PRKN: variants seen among roughly 807,000 people sequenced by gnomAD.
PRKN encodes the protein E3 ubiquitin-protein ligase parkin.
In PRKN, 56 loss-of-function variants were observed where a neutral mutation model predicts 59.5. The observed-to-expected ratio is 0.94, with a 90% CI of 0.76 to 1.18. PRKN has a LOEUF of 1.18. Among genes scored for constraint, PRKN ranks in the 50% most tolerant of loss-of-function variants. The pLI, the probability that PRKN is intolerant of heterozygous loss-of-function variation, is 0.00. For synonymous variants in PRKN, 250 were observed against 222.1 expected, an observed-to-expected ratio of 1.13 and a Z score of -1.12; for missense variants, 657 against 596.4, an observed-to-expected ratio of 1.10 and a Z score of -1.06.
At chr6:162,147,706 A>G (rs973650251) in intron 4 of PRKN, among the ~76,000 whole-genome samples, 4 of 152,200 alleles carry the variant, frequency 2.6e-5, no homozygotes, top group African/African-American at 9.6e-5. Flanking sequence ...AGGGAAGGGT[A>G]CTTCCAAACA....
At position 161,475,982 on chromosome 6, in the gene PRKN, G is replaced by A. The variant is rs969098061; in HGVS notation, c.1083+72872C>T. Among the ~76,000 whole-genome samples the A allele has an allele frequency of 1.3e-5, 2 of 151,954 alleles. No homozygotes were observed. Among genetic ancestry groups the A allele is most frequent in the Non-Finnish European group, 2.9e-5 (2 of 68,004 alleles). Reference sequence around the variant, plus strand: ...TGGGCGGATCACGAGGTCAGGAGATGGAGACCATCCTGGTTAACACGGTGA... The same window carrying A: ...TGGGCGGATCACGAGGTCAGGAGATAGAGACCATCCTGGTTAACACGGTGA... On this transcript the variant is annotated intron_variant, in intron 9 of 11. Coordinates refer to ENST00000366898, the MANE Select transcript of PRKN (RefSeq NM_004562.3). This position sits in a 1 kb window ranked among gnomAD's most constrained non-coding sequence, Gnocchi z 5.3.
At chr6:162,130,313 AG>A (rs1271568065) in intron 4 of PRKN, among the ~76,000 whole-genome samples, 1 of 152,188 alleles carries the variant, frequency 6.6e-6, no homozygotes, top group Admixed American at 6.5e-5. Context: ...ACACAACAGA[AG>A]GTTTCTATTT....
At chr6:162,682,974 A>T (rs1184424455) in intron 1 of PRKN, among the ~76,000 whole-genome samples, 3 of 152,192 alleles carry the variant, frequency 2.0e-5, no homozygotes, top group Non-Finnish European at 4.4e-5. Context: ...AATGACTGTG[A>T]GAATATTCAG....
intron 1 of PRKN, among the ~76,000 whole-genome samples, chr6:162,457,253 T>C (rs1450090510): frequency 1.3e-5 from 2 of 152,116 alleles, no homozygotes; most frequent in South Asian, 2.1e-4. Flanking sequence ...GAGAGTAGAA[T>C]AGAAATGAAA....
intron 9 of PRKN, among the ~76,000 whole-genome samples, chr6:161,438,331 C>T (rs1789026934): frequency 6.7e-6 from 1 of 150,344 alleles, no homozygotes; most frequent in African/African-American, 2.5e-5. Context: ...GATTCTCCTG[C>T]CTCAGCCTCC....
At chr6:162,644,046 C>T (rs77999446) in intron 1 of PRKN, 1 of 152,154 alleles carries the variant, frequency 6.6e-6, no homozygotes, top group Non-Finnish European at 1.5e-5. Flanking sequence ...GAAATTCTCC[C>T]AAGCCCAGCT....
At chr6:161,836,479 C>T (rs117607025) in intron 6 of PRKN, among the ~76,000 whole-genome samples, 3,352 of 152,220 alleles carry the variant, frequency 0.022, 56 homozygotes, top group South Asian at 0.04. Flanking sequence ...TCACCTCATA[C>T]GAAGCAAAGC....
intron 4 of PRKN, among the ~76,000 whole-genome samples, chr6:162,081,779 A>G (rs767374594): frequency 9.3e-4 from 142 of 152,248 alleles, no homozygotes; most frequent in Non-Finnish European, 9.6e-4. Flanking sequence ...TCTAGCTAAG[A>G]AAGTCCTAGA....
chr6:161,521,254 C>A (rs1178013685), intron 9 of PRKN, among the ~76,000 whole-genome samples: 1 of 152,174 alleles, frequency 6.6e-6, no homozygotes, highest in African/African-American at 2.4e-5. Context: ...CAACGTATTA[C>A]CCATTTGCCT....
chr6:162,628,380 C>G (rs1260978062), intron 1 of PRKN, among the ~76,000 whole-genome samples: 1 of 152,094 alleles, frequency 6.6e-6, no homozygotes, highest in Non-Finnish European at 1.5e-5. Flanking sequence ...GGAGGCCACC[C>G]TTTTTTGAGC....
chr6:162,098,781 C>T (rs1583029337), intron 4 of PRKN, among the ~76,000 whole-genome samples: 1 of 152,132 alleles, frequency 6.6e-6, no homozygotes. Context: ...TTAACTTGTC[C>T]AGTACTCATT....
intron 9 of PRKN, among the ~76,000 whole-genome samples, chr6:161,512,629 A>C (rs1315630633): frequency 1.3e-5 from 2 of 152,158 alleles, no homozygotes; most frequent in East Asian, 3.9e-4. Flanking sequence ...TTAACTCTGC[A>C]CCCAAAATAA....
At chr6:161,798,156 G>A (rs1583177622) in intron 6 of PRKN, among the ~76,000 whole-genome samples, 1 of 152,128 alleles carries the variant, frequency 6.6e-6, no homozygotes, top group African/African-American at 2.4e-5. Flanking sequence ...AGCTGAGATC[G>A]CACCACTGCA....
chr6:162,513,599 T>C (rs1398489303), intron 1 of PRKN, among the ~76,000 whole-genome samples: 2 of 152,110 alleles, frequency 1.3e-5, no homozygotes, highest in African/African-American at 4.8e-5. Context: ...AGCCAAGTGA[T>C]AGCTTTTCAT....
chr6:162,241,446 A>T (rs930021591), intron 3 of PRKN, among the ~76,000 whole-genome samples: 1 of 152,096 alleles, frequency 6.6e-6, no homozygotes, highest in African/African-American at 2.4e-5. Context: ...TCAAGTAGAG[A>T]TAAGATCATT....
In PRKN at chr6:161,372,745, C is replaced by T. The variant is rs1442749391; in HGVS notation, c.1168-12540G>A. Among the ~76,000 whole-genome samples the T allele has an allele frequency of 6.6e-6, 1 of 151,890 alleles. No individual in the cohort carries two copies. The highest frequency in any genetic ancestry group is 2.4e-5 in the African/African-American group (1 of 41,318). On this transcript the variant is annotated intron_variant, in intron 10 of 11. Transcript: ENST00000366898. This position sits in a 1 kb window ranked among gnomAD's most constrained non-coding sequence, Gnocchi z 4.2. ...ACAAATTCCTAGGTGATGCCGATGT[C>T]GCTAGCCTGCAGAGCTTCGGAGAAC...
chr6:161,471,404 G>A lies in PRKN; in HGVS notation c.1083+77450C>T, dbSNP rs530089962. Among the ~76,000 whole-genome samples the A allele has an allele frequency of 6.6e-6, 1 of 152,172 alleles. No individual in the cohort carries two copies. Among genetic ancestry groups the A allele is most frequent in the African/African-American group, 2.4e-5 (1 of 41,526 alleles). ...ATTCAAACTTATGAATATTCAATAA[G>A]TTCCCAGTATAATGTCAGCATTAGA... On this transcript the variant is annotated intron_variant, in intron 9 of 11. Coordinates refer to ENST00000366898, the MANE Select transcript of PRKN (RefSeq NM_004562.3). The surrounding 1 kb of genome is among the most constrained non-coding windows in gnomAD (Gnocchi z 4.5).
At chr6:162,470,826 G>A (rs555797316) in intron 1 of PRKN, among the ~76,000 whole-genome samples, 39 of 151,842 alleles carry the variant, frequency 2.6e-4, no homozygotes, top group African/African-American at 6.5e-4. Flanking sequence ...GTGCAATCTC[G>A]GCTCACTGCA....
chr6:162,639,535 A>G (rs2846562), intron 1 of PRKN, among the ~76,000 whole-genome samples: 93,182 of 152,020 alleles, frequency 0.61, 29,301 homozygotes, highest in African/African-American at 0.75. Flanking sequence ...TTTTTAAATC[A>G]TCTTTTCCAC....
Sources: gnomAD v4.1 joint callset for allele counts (sites outside exome capture counted in the v4.1 genomes callset) on GRCh38, gnomAD v4.1.1 for gene constraint, Gnocchi (gnomAD v3.1) non-coding constraint, MANE v1.5 for transcripts, NCBI Gene and HGNC (gene_info 2026-07-23, HGNC 2026-07-21) for gene names.